Variants in ELAVL2 observed in about 807,000 individuals in gnomAD.
The protein encoded by ELAVL2 is ELAV like RNA binding protein 2, also known as ELAV-like protein 2.
A neutral mutation model predicts 34.6 loss-of-function variants in ELAVL2; 4 were observed. The observed-to-expected ratio is 0.12, with a 90% CI of 0.06 to 0.26. The LOEUF (loss-of-function observed/expected upper bound fraction) is 0.26, where lower values mean the gene tolerates loss of function less well. ELAVL2 is among the 10% of genes least tolerant of loss of function. The pLI, the probability that ELAVL2 is intolerant of heterozygous loss-of-function variation, is 1.00. For synonymous variants in ELAVL2, 193 were observed against 154.8 expected (o/e 1.25, Z -1.83); for missense variants, 432 against 442.8 (o/e 0.98, Z 0.22).
intron 5 of ELAVL2, among the ~76,000 whole-genome samples, chr9:23,696,063 CCTTCA>C (rs1563910992): frequency 6.6e-6 from 1 of 152,022 alleles, no homozygotes; most frequent in African/African-American, 2.4e-5. Context: ...TTCACTGATT[CCTTCA>C]CTTCTCTCTC....
At chr9:23,836,140 T>C in the ELAVL2 span, among the ~76,000 whole-genome samples, 2 of 152,238 alleles carry the variant, frequency 1.3e-5, no homozygotes, top group African/African-American at 4.8e-5. Flanking sequence ...TATGTGTATT[T>C]TAAGGCTGAA....
chr9:23,813,646 G>C (rs2063320885), intron 1 of ELAVL2, among the ~76,000 whole-genome samples: 1 of 152,016 alleles, frequency 6.6e-6, no homozygotes, highest in Admixed American at 6.5e-5. Flanking sequence ...TAAAATCCCA[G>C]GGGGGGAGGA....
rs536338038 is a variant in ELAVL2 at position 23,795,374 on chromosome 9, T to A, written c.-16+30432A>T. Among the ~76,000 whole-genome samples, 3 of 152,072 alleles carry A rather than the reference T, an allele frequency of 2.0e-5. No homozygotes were observed. In the South Asian group the frequency reaches 6.2e-4, roughly 32 times the overall value. On this transcript the variant is annotated intron_variant, in intron 1 of 6. Transcript: ENST00000397312. ...GCGTGGCCAACATGGTAAAATCCCA[T>A]CTCTACTAAAAATACAAAATTAGCT...
intron 2 of ELAVL2, among the ~76,000 whole-genome samples, chr9:23,759,185 TA>T (rs1564319453): frequency 6.6e-6 from 1 of 151,898 alleles, no homozygotes; most frequent in Admixed American, 6.6e-5. Context: ...CATCAACCAA[TA>T]AATGGATAAA....
chr9:23,779,827 A>G (rs1193062310), intron 1 of ELAVL2, among the ~76,000 whole-genome samples: 2 of 152,004 alleles, frequency 1.3e-5, no homozygotes, highest in African/African-American at 2.4e-5. Context: ...GCCACAGCTA[A>G]AAATAAAAAG....
chr9:23,805,405 T>A (rs2062079333), intron 1 of ELAVL2, among the ~76,000 whole-genome samples: 1 of 152,178 alleles, frequency 6.6e-6, no homozygotes, highest in South Asian at 2.1e-4. Context: ...AGTGACAGGA[T>A]CACAACCCTG....
chr9:23,779,971 G>A (rs144371822), intron 1 of ELAVL2, among the ~76,000 whole-genome samples: 3,206 of 69,066 alleles, frequency 0.046, 75 homozygotes, highest in Middle Eastern at 0.13. Context: ...ATCGGTGATA[G>A]TGTTCCTTAA....
At chr9:23,774,969 T>G (rs1462433736) in intron 1 of ELAVL2, among the ~76,000 whole-genome samples, 2 of 152,164 alleles carry the variant, frequency 1.3e-5, no homozygotes, top group Non-Finnish European at 2.9e-5. Context: ...TACAAAATCA[T>G]ACACTCTCCT....
At chr9:23,822,942 G>T (rs574311379) in intron 1 of ELAVL2, among the ~76,000 whole-genome samples, 1 of 152,206 alleles carries the variant, frequency 6.6e-6, no homozygotes, top group Non-Finnish European at 1.5e-5. Flanking sequence ...TGGGGGGAAG[G>T]GAGGGGACTC....
At chr9:23,830,254 G>C (rs1001939401), upstream of ELAVL2, 1 of 152,166 alleles carries the variant, frequency 6.6e-6, no homozygotes, top group African/African-American at 2.4e-5. Flanking sequence ...CTAGCAAAGG[G>C]GTAAAGCCTT....
At chr9:23,704,315 A>T (rs886386270) in intron 4 of ELAVL2, among the ~76,000 whole-genome samples, 3 of 152,172 alleles carry the variant, frequency 2.0e-5, no homozygotes, top group African/African-American at 7.2e-5. Flanking sequence ...TAGCTTTGTT[A>T]ACTAAGATTT....
At chr9:23,778,705 T>C (rs900996635) in intron 1 of ELAVL2, among the ~76,000 whole-genome samples, 6 of 152,128 alleles carry the variant, frequency 3.9e-5, no homozygotes, top group Non-Finnish European at 7.3e-5. Flanking sequence ...GGAGGGGGTT[T>C]TCCAAGGTCA....
intron 1 of ELAVL2, among the ~76,000 whole-genome samples, chr9:23,797,114 A>G (rs2061024136): frequency 6.6e-6 from 1 of 152,202 alleles, no homozygotes; most frequent in South Asian, 2.1e-4. Flanking sequence ...CCATCTGCCC[A>G]GCTGAGTCCT....
chr9:23,764,190 T>A (rs1487696067), intron 1 of ELAVL2, among the ~76,000 whole-genome samples: 1 of 152,120 alleles, frequency 6.6e-6, no homozygotes, highest in East Asian at 1.9e-4. Flanking sequence ...GACACTTAAA[T>A]CACTACTGAA....
At chr9:23,701,664 G>C in intron 4 of ELAVL2, 60 bp from the exon 5 acceptor site, 8 of 1,542,350 alleles carry the variant, frequency 5.2e-6, no homozygotes, top group East Asian at 2.3e-5. Context: ...GGGAAGGAGA[G>C]AAGAAAGGAC....
chr9:23,824,618 C>T (rs979628759), intron 1 of ELAVL2, among the ~76,000 whole-genome samples: 2 of 152,196 alleles, frequency 1.3e-5, no homozygotes, highest in Non-Finnish European at 2.9e-5. Context: ...AAGCCAGCAG[C>T]TTGTTCCACC....
intron 2 of ELAVL2, among the ~76,000 whole-genome samples, chr9:23,746,974 C>T (rs980346554): frequency 6.6e-6 from 1 of 152,086 alleles, no homozygotes; most frequent in Non-Finnish European, 1.5e-5. Flanking sequence ...GAACATCCTG[C>T]ATTCCACCTT....
At chr9:23,830,849 G>A (rs2065478131), upstream of ELAVL2, among the ~76,000 whole-genome samples, 1 of 151,724 alleles carries the variant, frequency 6.6e-6, no homozygotes, top group African/African-American at 2.4e-5. Context: ...ATAAACTCAC[G>A]TTTTTCCTGA....
chr9:23,739,267 A>T (rs1417986548), intron 2 of ELAVL2, among the ~76,000 whole-genome samples: 1 of 152,132 alleles, frequency 6.6e-6, no homozygotes, highest in Non-Finnish European at 1.5e-5. Context: ...CCACAATGAA[A>T]ACAAAAGGCG....
Sources: allele counts gnomAD v4.1 joint callset (sites outside exome capture counted in the v4.1 genomes callset), GRCh38; gene constraint gnomAD v4.1.1; transcripts MANE v1.5; gene names NCBI Gene and HGNC (gene_info 2026-07-23, HGNC 2026-07-21).